Variants in PALLD observed in about 807,000 individuals in gnomAD.
PALLD encodes the protein palladin.
In PALLD, 61 loss-of-function variants were observed where a neutral mutation model predicts 123.5. That is an observed-to-expected ratio of 0.49 (90% confidence interval 0.40 to 0.61). The LOEUF (loss-of-function observed/expected upper bound fraction) is 0.61, where lower values mean the gene tolerates loss of function less well. PALLD is among the 20% of genes least tolerant of loss of function. PALLD has a pLI of 0.00. For synonymous variants in PALLD, 465 were observed against 496.4 expected, an observed-to-expected ratio of 0.94 and a Z score of 0.84; for missense variants, 1,273 against 1,377.0, an observed-to-expected ratio of 0.92 and a Z score of 1.20.
chr4:168,664,879 A>G (rs907813375), intron 2 of PALLD, among the ~76,000 whole-genome samples: 1 of 152,142 alleles, frequency 6.6e-6, no homozygotes, highest in Admixed American at 6.5e-5. Context: ...TGTTTGATCT[A>G]TGATTGGAAT....
intron 2 of PALLD, among the ~76,000 whole-genome samples, chr4:168,628,065 T>C (rs1286124880): frequency 6.6e-6 from 1 of 152,252 alleles, no homozygotes; most frequent in African/African-American, 2.4e-5. Context: ...AGCTTGGCTG[T>C]ATTTATCAAA....
intron 10 of PALLD, among the ~76,000 whole-genome samples, chr4:168,868,834 G>A (rs186541859): frequency 2.0e-5 from 3 of 152,292 alleles, no homozygotes; most frequent in East Asian, 3.9e-4. Context: ...AACAGTGCAG[G>A]GATGGGAAGA....
intron 2 of PALLD, among the ~76,000 whole-genome samples, chr4:168,611,274 A>G (rs1205029157): frequency 1.3e-5 from 2 of 152,200 alleles, no homozygotes; most frequent in Non-Finnish European, 2.9e-5. Context: ...AATGAGCTCC[A>G]CCAACAATGA....
chr4:168,516,147 A>C (rs1762971831), intron 2 of PALLD, among the ~76,000 whole-genome samples: 1 of 152,250 alleles, frequency 6.6e-6, no homozygotes, highest in African/African-American at 2.4e-5. Context: ...AGCTGATAGA[A>C]GAAAACCCTA....
chr4:168,526,196 T>C (rs1461760405), intron 2 of PALLD, among the ~76,000 whole-genome samples: 2 of 152,210 alleles, frequency 1.3e-5, no homozygotes. Context: ...CTACCTGCAA[T>C]TCGGAACGTA....
intron 2 of PALLD, among the ~76,000 whole-genome samples, chr4:168,627,987 C>A (rs568734805): frequency 6.6e-6 from 1 of 152,310 alleles, no homozygotes; most frequent in East Asian, 1.9e-4. Context: ...GCTGGCAAGG[C>A]CGTGGGGAAA....
intron 2 of PALLD, among the ~76,000 whole-genome samples, chr4:168,663,271 G>C (rs1343794611): frequency 6.6e-6 from 1 of 152,204 alleles, no homozygotes; most frequent in Admixed American, 6.5e-5. Flanking sequence ...CACACCACAG[G>C]GGACTGCAGG....
intron 2 of PALLD, among the ~76,000 whole-genome samples, chr4:168,585,691 G>A (rs576696520): frequency 8.5e-5 from 13 of 152,218 alleles, no homozygotes; most frequent in South Asian, 8.3e-4. Context: ...TGTCGTTTTC[G>A]GAGACACCAG....
intron 2 of PALLD, among the ~76,000 whole-genome samples, chr4:168,591,157 G>A (rs1367981619): frequency 6.6e-6 from 1 of 152,138 alleles, no homozygotes; most frequent in East Asian, 1.9e-4. Flanking sequence ...GGGATTACAG[G>A]CGTGAGCCAC....
At chr4:168,800,515 A>C (rs1301534826) in intron 10 of PALLD, among the ~76,000 whole-genome samples, 1 of 152,250 alleles carries the variant, frequency 6.6e-6, no homozygotes, top group Non-Finnish European at 1.5e-5. Flanking sequence ...AAGATGTTCA[A>C]TCTCATTAAG....
intron 2 of PALLD, among the ~76,000 whole-genome samples, chr4:168,577,719 G>A (rs545030612): frequency 6.1e-4 from 90 of 147,628 alleles, no homozygotes; most frequent in African/African-American, 2.3e-3. Flanking sequence ...GGACCCAAGA[G>A]TAGAGAGGCA....
At chr4:168,830,925 C>G in intron 10 of PALLD, among the ~76,000 whole-genome samples, 1 of 152,156 alleles carries the variant, frequency 6.6e-6, no homozygotes, top group Admixed American at 6.5e-5. Context: ...ACTGAGTGAC[C>G]ACGTTACCGA....
At chr4:168,624,230 T>C (rs1340467575) in intron 2 of PALLD, among the ~76,000 whole-genome samples, 2 of 152,020 alleles carry the variant, frequency 1.3e-5, no homozygotes, top group Non-Finnish European at 2.9e-5. Flanking sequence ...AAAAAAGTAA[T>C]TACCATGACG....
chr4:168,595,495 T>C (rs915554974), intron 2 of PALLD, among the ~76,000 whole-genome samples: 1 of 152,148 alleles, frequency 6.6e-6, no homozygotes. Flanking sequence ...AAAACACTTA[T>C]TATGTATAAT....
intron 10 of PALLD, among the ~76,000 whole-genome samples, chr4:168,829,500 T>C (rs1561570545): frequency 6.6e-6 from 1 of 152,202 alleles, no homozygotes; most frequent in Non-Finnish European, 1.5e-5. Context: ...TCCTAAATCA[T>C]AAAATCATAA....
chr4:168,751,174 G>A (rs1252671138), intron 10 of PALLD, among the ~76,000 whole-genome samples: 2 of 151,818 alleles, frequency 1.3e-5, no homozygotes, highest in Non-Finnish European at 2.9e-5. Context: ...CACCATGCCT[G>A]GCTAATTTTG....
At chr4:168,848,756 C>G (rs1747284603) in intron 10 of PALLD, among the ~76,000 whole-genome samples, 1 of 152,184 alleles carries the variant, frequency 6.6e-6, no homozygotes, top group East Asian at 1.9e-4. Flanking sequence ...CTAAATCAGT[C>G]TTTTGCAACG....
intron 8 of PALLD, among the ~76,000 whole-genome samples, chr4:168,707,150 G>T (rs770681088): frequency 6.6e-6 from 1 of 152,052 alleles, no homozygotes; most frequent in African/African-American, 2.4e-5. Flanking sequence ...AAACAGATTT[G>T]CTGATTTTCA....
At chr4:168,700,297 A>C (rs1421660004) in intron 8 of PALLD, 1 of 154,228 alleles carries the variant, frequency 6.5e-6, no homozygotes, top group African/African-American at 2.4e-5. Flanking sequence ...ATTTCAATGC[A>C]TGAGGATCAC....
Sources: allele counts gnomAD v4.1 joint callset (sites outside exome capture counted in the v4.1 genomes callset), GRCh38; gene constraint gnomAD v4.1.1; transcripts MANE v1.5; gene names NCBI Gene and HGNC (gene_info 2026-07-23, HGNC 2026-07-21).